Variants in TEK observed in about 807,000 individuals in gnomAD.
TEK encodes angiopoietin-1 receptor.
Under a neutral mutation model 131.8 loss-of-function variants are expected in TEK, and 43 were observed. The observed-to-expected ratio is 0.33, with a 90% confidence interval of 0.26 to 0.42. The LOEUF (loss-of-function observed/expected upper bound fraction) is 0.42. Ranked by LOEUF, TEK falls within the 10% of genes least tolerant of loss-of-function variation. The pLI is 1.00. For missense variants in TEK, 1,162 were observed against 1,384.4 expected, an observed-to-expected ratio of 0.84 and a Z score of 2.55; for synonymous variants, 580 against 491.6, an observed-to-expected ratio of 1.18 and a Z score of -2.38.
intron 1 of TEK, among the ~76,000 whole-genome samples, chr9:27,111,205 C>G (rs1343142288): frequency 6.8e-6 from 1 of 146,968 alleles, no homozygotes; most frequent in African/African-American, 2.5e-5. Context: ...AAAAACAGCA[C>G]TGCCTTTAAA....
At chr9:27,161,688 G>A (rs1823555402) in intron 2 of TEK, among the ~76,000 whole-genome samples, 1 of 152,128 alleles carries the variant, frequency 6.6e-6, no homozygotes, top group African/African-American at 2.4e-5. Context: ...AGCAACCCAG[G>A]GCACAGAGTA....
intron 2 of TEK, 142 bp downstream of exon 2, chr9:27,158,284 T>A: frequency 2.1e-6 from 2 of 961,486 alleles, no homozygotes; most frequent in Non-Finnish European, 3.2e-6. Context: ...TTTCCATGCA[T>A]CACCGTGTCT....
intron 9 of TEK, among the ~76,000 whole-genome samples, chr9:27,188,689 TAAG>T (rs1564085373): frequency 6.6e-6 from 1 of 152,188 alleles, no homozygotes; most frequent in Non-Finnish European, 1.5e-5. Flanking sequence ...GACAACTTCC[TAAG>T]TCGTCACTTA....
chr9:27,214,011 C>G (rs1018511893), intron 18 of TEK, among the ~76,000 whole-genome samples: 1 of 152,180 alleles, frequency 6.6e-6, no homozygotes, highest in African/African-American at 2.4e-5. Context: ...TCTAAATCAC[C>G]AGGAGGCTCT....
chr9:27,197,269 T>G (rs1825061359), intron 11 of TEK, 46 bp from the exon 12 acceptor site: 1 of 1,601,030 alleles, frequency 6.2e-7, no homozygotes, highest in South Asian at 1.1e-5. Context: ...TAATCCAAAC[T>G]ATATCAGCCA....
chr9:27,178,078 T>C (rs1824236588), intron 6 of TEK, among the ~76,000 whole-genome samples: 3 of 152,156 alleles, frequency 2.0e-5, no homozygotes. Flanking sequence ...TGTTTTCTTC[T>C]AGTAGTTTTA....
intron 2 of TEK, among the ~76,000 whole-genome samples, chr9:27,159,575 G>T (rs1034374099): frequency 6.6e-6 from 1 of 152,192 alleles, no homozygotes; most frequent in African/African-American, 2.4e-5. Context: ...GATTTTGAAA[G>T]CCTCCTCTAA....
At chr9:27,174,872 C>CTAGG (rs1419401648) in intron 6 of TEK, among the ~76,000 whole-genome samples, 1 of 152,060 alleles carries the variant, frequency 6.6e-6, no homozygotes, top group African/African-American at 2.4e-5. Flanking sequence ...GAACACTTTG[C>CTAGG]TAGGACCCAG....
chr9:27,119,255 C>T (rs951481868), intron 1 of TEK, among the ~76,000 whole-genome samples: 2 of 152,072 alleles, frequency 1.3e-5, no homozygotes, highest in African/African-American at 4.8e-5. Flanking sequence ...TCATGGTCAC[C>T]TCAGGTTAGT....
chr9:27,173,380 C>A lies in TEK; in HGVS notation c.901+18C>A, dbSNP rs768406164. The A allele has an allele frequency of 1.1e-4, 182 of 1,613,600 alleles. No homozygotes were observed. The East Asian group carries it at 2.2e-3, about 20-fold the overall frequency. The stretch of plus-strand genomic sequence containing the variant: ...CAATGAAGGTATGCACCAATCACAC[C>A]CTTGGACAGAGGATGTTCTAGCAGG... On this transcript the variant is annotated intron_variant, in intron 6 of 22. Coordinates refer to ENST00000380036, the MANE Select transcript of TEK (RefSeq NM_000459.5).
chr9:27,211,186 A>AGTATGTGT (rs1564101046), intron 16 of TEK, among the ~76,000 whole-genome samples: 6 of 95,672 alleles, frequency 6.3e-5, no homozygotes, highest in Non-Finnish European at 9.9e-5. Context: ...TATATATATG[A>AGTATGTGT]ATATATGTAT....
At chr9:27,195,858 A>G (rs1327692278) in intron 11 of TEK, among the ~76,000 whole-genome samples, 1 of 152,212 alleles carries the variant, frequency 6.6e-6, no homozygotes, top group Admixed American at 6.5e-5. Flanking sequence ...AGGTTGCAAA[A>G]GTAAAGTGGC....
intron 1 of TEK, among the ~76,000 whole-genome samples, chr9:27,135,365 C>T (rs377258322): frequency 3.3e-5 from 5 of 151,996 alleles, no homozygotes; most frequent in East Asian, 3.9e-4. Flanking sequence ...TTGTGATGGG[C>T]TCTGTAGGGT....
At chr9:27,187,508 G>A (rs1824642616) in intron 9 of TEK, among the ~76,000 whole-genome samples, 1 of 152,146 alleles carries the variant, frequency 6.6e-6, no homozygotes, top group Non-Finnish European at 1.5e-5. Flanking sequence ...AATGTTCAGA[G>A]CAGTTGTATT....
At chr9:27,226,664 G>T (rs559521529) in intron 21 of TEK, among the ~76,000 whole-genome samples, 2 of 152,084 alleles carry the variant, frequency 1.3e-5, no homozygotes, top group South Asian at 4.2e-4. Context: ...CATGGCACTT[G>T]TATACATATG....
intron 2 of TEK, among the ~76,000 whole-genome samples, chr9:27,162,443 G>A (rs1039484318): frequency 2.0e-5 from 3 of 152,050 alleles, no homozygotes; most frequent in Non-Finnish European, 2.9e-5. Context: ...TTTCATTTGG[G>A]GGTAGGAAAT....
At chr9:27,229,129 A>G (rs1274043180) in intron 22 of TEK, 29 bp from the exon 23 acceptor site, 100 of 1,609,160 alleles carry the variant, frequency 6.2e-5, no homozygotes, top group Non-Finnish European at 8.3e-5. Context: ...AAAGCAGCCT[A>G]TGTCTCTGAA....
At chr9:27,131,175 C>T (rs541012510) in intron 1 of TEK, among the ~76,000 whole-genome samples, 1 of 152,130 alleles carries the variant, frequency 6.6e-6, no homozygotes, top group Non-Finnish European at 1.5e-5. Context: ...CAGTGTAGAC[C>T]AAGAGCTTTT....
intron 6 of TEK, among the ~76,000 whole-genome samples, chr9:27,178,802 A>G (rs930245891): frequency 6.6e-6 from 1 of 152,212 alleles, no homozygotes; most frequent in African/African-American, 2.4e-5. Context: ...CTGTCTTCCC[A>G]GGAGCTTATT....
Sources: gnomAD v4.1 joint callset for allele counts (sites outside exome capture counted in the v4.1 genomes callset) on GRCh38, gnomAD v4.1.1 for gene constraint, MANE v1.5 for transcripts, NCBI Gene and HGNC (gene_info 2026-07-23, HGNC 2026-07-21) for gene names.